The following GRID1 variants were observed in gnomAD, a reference collection of about 807,000 sequenced individuals.
GRID1 encodes the protein glutamate receptor ionotropic, delta-1.
A neutral mutation model predicts 98.0 loss-of-function variants in GRID1; 28 were observed. The observed-to-expected ratio is 0.29, with a 90% CI of 0.21 to 0.39. The LOEUF (loss-of-function observed/expected upper bound fraction) is 0.39, where lower values mean the gene tolerates loss of function less well. Ranked by LOEUF, GRID1 falls within the 10% of genes least tolerant of loss-of-function variation. The probability of loss-of-function intolerance (pLI) is 1.00; values close to 1 mark genes in which losing one functional copy is unlikely to be tolerated. For synonymous variants in GRID1, 553 were observed against 538.5 expected (o/e 1.03, Z -0.37); for missense variants, 1,111 against 1,340.5 (o/e 0.83, Z 2.67).
chr10:85,630,792 C>A (rs925022315), intron 13 of GRID1, among the ~76,000 whole-genome samples: 3 of 152,144 alleles, frequency 2.0e-5, no homozygotes, highest in African/African-American at 7.2e-5. Flanking sequence ...GGAACGAGGT[C>A]CAAAATGCTA....
chr10:85,643,427 C>T (rs1361519227), intron 13 of GRID1, among the ~76,000 whole-genome samples: 1 of 152,182 alleles, frequency 6.6e-6, no homozygotes, highest in Non-Finnish European at 1.5e-5. Context: ...ACAGCCATCT[C>T]CAGACTGGTC....
intron 4 of GRID1, among the ~76,000 whole-genome samples, chr10:86,036,856 C>T (rs1311373615): frequency 1.3e-5 from 2 of 152,252 alleles, no homozygotes; most frequent in Admixed American, 1.3e-4. Flanking sequence ...CAGTCCCCCA[C>T]ACTCTGCCAC....
intron 5 of GRID1, among the ~76,000 whole-genome samples, chr10:85,897,643 T>C (rs1473716989): frequency 6.6e-6 from 1 of 152,254 alleles, no homozygotes; most frequent in Non-Finnish European, 1.5e-5. Context: ...TATATATTTA[T>C]GATGTACAAC....
chr10:85,619,033 G>A (rs1387204721), intron 14 of GRID1, among the ~76,000 whole-genome samples: 2 of 152,194 alleles, frequency 1.3e-5, no homozygotes, highest in East Asian at 3.9e-4. Flanking sequence ...CCTCATTTTG[G>A]ATTTGGGTGG....
In GRID1 at chr10:85,648,138, G is replaced by A. The variant is rs1466018819; in HGVS notation, c.1998-741C>T. ...AAACAAAGCACTTCTGAGGGCCTTGGGTTTGCTCTCCTTAGAGGAGTGGCA... is the reference window on the plus strand; with the variant it reads ...AAACAAAGCACTTCTGAGGGCCTTGAGTTTGCTCTCCTTAGAGGAGTGGCA... On this transcript the variant is annotated intron_variant, in intron 12 of 15. Transcript: ENST00000327946. 2.0e-5 allele frequency: 3 copies of A among 152,262 alleles called. No individual in the cohort carries two copies. In the East Asian group the frequency reaches 5.8e-4, roughly 29 times the overall value. 9.4% of individuals were successfully genotyped at this position (152,262 alleles called of 1,614,324 possible). A position where few individuals can be genotyped will look rare whatever the true frequency, so the allele number is the denominator to read the frequency against.
intron 8 of GRID1, among the ~76,000 whole-genome samples, chr10:85,731,801 A>G (rs60183265): frequency 0.2 from 27,565 of 135,570 alleles, 2,844 homozygotes; most frequent in Middle Eastern, 0.29. Flanking sequence ...GACCCTGACA[A>G]AAAAAAAAAA....
At chr10:85,832,328 T>C (rs989402368) in intron 8 of GRID1, among the ~76,000 whole-genome samples, 1 of 152,006 alleles carries the variant, frequency 6.6e-6, no homozygotes, top group African/African-American at 2.4e-5. Flanking sequence ...CATTCAATAG[T>C]CTTAATAATA....
At chr10:85,865,523 G>A (rs2131789109) in intron 6 of GRID1, among the ~76,000 whole-genome samples, 1 of 152,208 alleles carries the variant, frequency 6.6e-6, no homozygotes, top group South Asian at 2.1e-4. Context: ...ATTTGGTGGG[G>A]GGGAAGAAAG....
intron 4 of GRID1, among the ~76,000 whole-genome samples, chr10:85,978,819 C>T (rs1312132111): frequency 2.0e-5 from 3 of 152,200 alleles, no homozygotes; most frequent in Non-Finnish European, 4.4e-5. Flanking sequence ...AGGATGCAAC[C>T]TGCTCAGCTG....
intron 4 of GRID1, among the ~76,000 whole-genome samples, chr10:86,029,831 C>A (rs986936737): frequency 6.6e-6 from 1 of 152,080 alleles, no homozygotes; most frequent in African/African-American, 2.4e-5. Flanking sequence ...TGTCCATAAC[C>A]CAGAGGTTTC....
chr10:85,923,974 T>C (rs1179990355), intron 4 of GRID1, among the ~76,000 whole-genome samples: 2 of 152,120 alleles, frequency 1.3e-5, no homozygotes, highest in African/African-American at 2.4e-5. Flanking sequence ...AAGGATTTTT[T>C]TGCATATGGG....
At chr10:86,137,297 G>T (rs906119071) in intron 4 of GRID1, among the ~76,000 whole-genome samples, 2 of 152,336 alleles carry the variant, frequency 1.3e-5, no homozygotes, top group African/African-American at 4.8e-5. Flanking sequence ...TTTAACAGAT[G>T]AAGAAACAGA....
chr10:86,245,599 G>A (rs1037731934), intron 2 of GRID1, among the ~76,000 whole-genome samples: 17 of 151,902 alleles, frequency 1.1e-4, no homozygotes, highest in African/African-American at 4.1e-4. Context: ...TTCCTTGGTG[G>A]CCTCTGCAAA....
At chr10:85,902,471 A>G (rs1172767924) in intron 5 of GRID1, among the ~76,000 whole-genome samples, 1 of 152,230 alleles carries the variant, frequency 6.6e-6, no homozygotes, top group African/African-American at 2.4e-5. Context: ...GCAGATAAGG[A>G]GGGACAACTG....
intron 2 of GRID1, among the ~76,000 whole-genome samples, chr10:86,232,215 T>TG (rs1846466719): frequency 6.6e-6 from 1 of 152,150 alleles, no homozygotes; most frequent in Admixed American, 6.5e-5. Flanking sequence ...CCCAGGGGAA[T>TG]AACGCAGCCG....
rs571587149 is a variant in GRID1 at position 85,684,670 on chromosome 10, A to G, written c.1998-37273T>C. Among the ~76,000 whole-genome samples, 13 of 152,352 alleles carry G rather than the reference A, an allele frequency of 8.5e-5. No homozygotes were observed. In the South Asian group the frequency reaches 1.9e-3, roughly 22 times the overall value. On this transcript the variant is annotated intron_variant, in intron 12 of 15. Transcript: ENST00000327946. ...CTAAAAGCTTTTCCTTTGAGAGAAG[A>G]AACAAAATGCATAAGTCCACCATAC...
intron 8 of GRID1, among the ~76,000 whole-genome samples, chr10:85,807,852 C>G (rs950855827): frequency 6.6e-6 from 1 of 152,080 alleles, no homozygotes; most frequent in South Asian, 2.1e-4. Context: ...ATTCACAAGA[C>G]TCAGGAATTC....
chr10:85,895,150 T>C (rs1264655834), intron 5 of GRID1, among the ~76,000 whole-genome samples: 2 of 151,662 alleles, frequency 1.3e-5, no homozygotes, highest in East Asian at 3.9e-4. Flanking sequence ...CTGACATCAG[T>C]TTAATCAACT....
chr10:85,842,528 T>C (rs1842970509), intron 8 of GRID1, among the ~76,000 whole-genome samples: 1 of 151,640 alleles, frequency 6.6e-6, no homozygotes, highest in Non-Finnish European at 1.5e-5. Flanking sequence ...AAAATAATAA[T>C]AAAGAAAAGA....
Sources: allele counts gnomAD v4.1 joint callset (sites outside exome capture counted in the v4.1 genomes callset), GRCh38; gene constraint gnomAD v4.1.1; transcripts MANE v1.5; gene names NCBI Gene and HGNC (gene_info 2026-07-23, HGNC 2026-07-21).